Variants in ANO3 observed in about 807,000 individuals in gnomAD.
ANO3 encodes the protein anoctamin 3.
ANO3 carries 99 observed loss-of-function variants against 144.8 expected under a neutral mutation model. The observed-to-expected ratio is 0.68, with a 90% CI of 0.58 to 0.81. The LOEUF (loss-of-function observed/expected upper bound fraction) is 0.81. Among genes scored for constraint, ANO3 ranks in the 30% least tolerant of loss-of-function variants. ANO3 has a pLI of 0.00. For synonymous variants in ANO3, 414 were observed against 392.6 expected, an observed-to-expected ratio of 1.05 and a Z score of -0.64; for missense variants, 905 against 1,202.2, an observed-to-expected ratio of 0.75 and a Z score of 3.66.
intron 4 of ANO3, among the ~76,000 whole-genome samples, chr11:26,500,963 T>A (rs1054022359): frequency 6.6e-6 from 1 of 152,160 alleles, no homozygotes; most frequent in Non-Finnish European, 1.5e-5. Context: ...AGGTAAACCA[T>A]AACATCAGGC....
chr11:26,372,457 A>G (rs1306099598), intron 1 of ANO3, among the ~76,000 whole-genome samples: 1 of 152,190 alleles, frequency 6.6e-6, no homozygotes, highest in African/African-American at 2.4e-5. Flanking sequence ...GACCTATGTA[A>G]ATTAACCTAA....
chr11:26,647,915 T>G, intron 24 of ANO3, 59 bp downstream of exon 24: 1 of 1,512,430 alleles, frequency 6.6e-7, no homozygotes, highest in Admixed American at 1.9e-5. Flanking sequence ...TAAAATAGGA[T>G]CTTACTGGGA....
At chr11:26,484,001 G>A (rs1032490462) in intron 4 of ANO3, among the ~76,000 whole-genome samples, 3 of 152,176 alleles carry the variant, frequency 2.0e-5, no homozygotes, top group Non-Finnish European at 4.4e-5. Flanking sequence ...GAGTCATTAT[G>A]TCCCTGCTCT....
intron 4 of ANO3, among the ~76,000 whole-genome samples, chr11:26,481,207 A>G (rs1860201193): frequency 6.6e-6 from 1 of 152,174 alleles, no homozygotes; most frequent in Non-Finnish European, 1.5e-5. Flanking sequence ...TGGCAAAGCT[A>G]GCCTTTACCC....
intron 8 of ANO3, among the ~76,000 whole-genome samples, chr11:26,533,123 A>G (rs1423613329): frequency 6.6e-6 from 1 of 152,200 alleles, no homozygotes; most frequent in East Asian, 1.9e-4. Flanking sequence ...ACACATGTGC[A>G]TATTAACTTA....
At chr11:26,309,567 A>T, upstream of ANO3, 1 of 713,050 alleles carries the variant, frequency 1.4e-6, no homozygotes, top group Non-Finnish European at 1.7e-6. Context: ...CTTCTTTTCC[A>T]TGATAATTTT....
chr11:26,542,555 G>GA (rs967144798), intron 11 of ANO3, among the ~76,000 whole-genome samples: 1 of 150,960 alleles, frequency 6.6e-6, no homozygotes, highest in South Asian at 2.1e-4. Flanking sequence ...TGTCCAAACC[G>GA]AAAAAAAGAA....
chr11:26,312,400 G>A (rs1854520590), intron 1 of ANO3, among the ~76,000 whole-genome samples: 1 of 152,168 alleles, frequency 6.6e-6, no homozygotes, highest in Admixed American at 6.5e-5. Context: ...TCTAGTTCTG[G>A]ATCCTTGAGG....
intron 1 of ANO3, among the ~76,000 whole-genome samples, chr11:26,268,781 T>C (rs1421890166): frequency 6.6e-6 from 1 of 152,166 alleles, no homozygotes; most frequent in African/African-American, 2.4e-5. Flanking sequence ...ATGATTTCAC[T>C]GACAACATAG....
intron 1 of ANO3, among the ~76,000 whole-genome samples, chr11:26,256,932 A>C (rs1392859046): frequency 6.6e-6 from 1 of 152,088 alleles, no homozygotes; most frequent in Non-Finnish European, 1.5e-5. Context: ...AGTATCTAGA[A>C]AGTAGAAGCT....
chr11:26,465,551 GT>G (rs1859573951), intron 4 of ANO3, among the ~76,000 whole-genome samples: 1 of 151,770 alleles, frequency 6.6e-6, no homozygotes, highest in Non-Finnish European at 1.5e-5. Flanking sequence ...AAACTACATA[GT>G]GAGTAATAAC....
intron 1 of ANO3, among the ~76,000 whole-genome samples, chr11:26,275,530 A>G (rs1410459909): frequency 1.3e-5 from 2 of 152,160 alleles, no homozygotes; most frequent in Non-Finnish European, 2.9e-5. Flanking sequence ...AAAGCAATCC[A>G]TTAAAATGGA....
intron 14 of ANO3, among the ~76,000 whole-genome samples, chr11:26,585,704 T>C (rs188164951): frequency 2.8e-4 from 42 of 152,316 alleles, no homozygotes; most frequent in African/African-American, 9.9e-4. Flanking sequence ...CATTGTATGG[T>C]AGACAGAGTA....
chr11:26,586,501 A>ATTTTTTTTTTTTTTTTTTTTTTTTTTTT (rs1281089936), intron 14 of ANO3, among the ~76,000 whole-genome samples: 6 of 40,010 alleles, frequency 1.5e-4, no homozygotes, highest in Non-Finnish European at 2.0e-4. Flanking sequence ...CCTGGTGAGA[A>ATTTTTTTTTTTTTTTTTTTTTTTTTTTT]TCTTTTTTTT....
At chr11:26,247,724 C>CA (rs1852828630) in intron 1 of ANO3, among the ~76,000 whole-genome samples, 2 of 80,200 alleles carry the variant, frequency 2.5e-5, no homozygotes, top group African/African-American at 8.2e-5. Context: ...TAGCTCCAGT[C>CA]ACTTTTTTTT....
chr11:26,324,943 C>T (rs1854847884), intron 1 of ANO3, among the ~76,000 whole-genome samples: 2 of 152,116 alleles, frequency 1.3e-5, no homozygotes, highest in African/African-American at 4.8e-5. Flanking sequence ...CCTGATTGCA[C>T]TGAACCCATG....
At chr11:26,599,185 C>A (rs1851724751) in intron 16 of ANO3, among the ~76,000 whole-genome samples, 187 bp downstream of exon 16, 1 of 152,102 alleles carries the variant, frequency 6.6e-6, no homozygotes, top group Non-Finnish European at 1.5e-5. Flanking sequence ...GCAGTTTGTG[C>A]ACCTTTTTAA....
At chr11:26,648,298 G>A (rs1189069171) in intron 24 of ANO3, among the ~76,000 whole-genome samples, 22 of 152,122 alleles carry the variant, frequency 1.4e-4, no homozygotes, top group Admixed American at 1.4e-3. Flanking sequence ...TCTGTGACTG[G>A]AGATTTTCAA....
chr11:26,315,687 A>ATCTG (rs1854610056), intron 1 of ANO3, among the ~76,000 whole-genome samples: 1 of 133,118 alleles, frequency 7.5e-6, no homozygotes, highest in African/African-American at 3.2e-5. Context: ...CTATCTATCC[A>ATCTG]TCTATCTATC....
Sources: gnomAD v4.1 joint callset for allele counts (sites outside exome capture counted in the v4.1 genomes callset) on GRCh38, gnomAD v4.1.1 for gene constraint, MANE v1.5 for transcripts, NCBI Gene and HGNC (gene_info 2026-07-23, HGNC 2026-07-21) for gene names.